Variants in WDR72 observed in about 807,000 individuals in gnomAD.
WDR72 encodes WD repeat domain 72, also known as WD repeat-containing protein 72.
In WDR72, 120 loss-of-function variants were observed where a neutral mutation model predicts 124.2. The observed-to-expected ratio is 0.97, with a 90% CI of 0.83 to 1.12. The LOEUF (loss-of-function observed/expected upper bound fraction) is 1.12, where lower values mean the gene tolerates loss of function less well. Ranked by LOEUF, WDR72 falls within the 50% of genes most tolerant of loss-of-function variation. The pLI is 0.00. For missense variants in WDR72, 1,387 were observed against 1,278.8 expected, an observed-to-expected ratio of 1.08 and a Z score of -1.29; for synonymous variants, 452 against 441.7, an observed-to-expected ratio of 1.02 and a Z score of -0.29.
intron 14 of WDR72, among the ~76,000 whole-genome samples, chr15:53,655,771 C>A (rs1361370199): frequency 6.6e-6 from 1 of 152,068 alleles, no homozygotes; most frequent in Non-Finnish European, 1.5e-5. Context: ...TGGCTCACTG[C>A]AACTTCTGCC....
In WDR72 at chr15:53,716,601, A is replaced by C; in HGVS notation, c.339+6T>G. ...GAAATGCCCTGAAGGAAGTGAGTGTACTTACACAGATTGCAGTGTGCCTGT... is the reference window on the plus strand; with the variant it reads ...GAAATGCCCTGAAGGAAGTGAGTGTCCTTACACAGATTGCAGTGTGCCTGT... On this transcript the variant is annotated splice_donor_region_variant and intron_variant, in intron 4 of 19. Coordinates refer to ENST00000360509, the MANE Select transcript of WDR72 (RefSeq NM_182758.4). The C allele has an allele frequency of 6.3e-7, 1 of 1,590,604 alleles. No homozygotes were observed. Among genetic ancestry groups the C allele is most frequent in the Non-Finnish European group, 8.6e-7 (1 of 1,158,480 alleles).
chr15:53,636,183 G>T (rs1466449334), intron 14 of WDR72, among the ~76,000 whole-genome samples: 2 of 152,094 alleles, frequency 1.3e-5, no homozygotes, highest in East Asian at 1.9e-4. Flanking sequence ...GTCAATAAAG[G>T]TAAATTTTTT....
chr15:53,600,542 AC>A (rs2012998893), intron 17 of WDR72, among the ~76,000 whole-genome samples: 2 of 152,288 alleles, frequency 1.3e-5, no homozygotes, highest in East Asian at 3.9e-4. Flanking sequence ...ATGCTTATTA[AC>A]TAAAGGTATT....
rs1378253556 is a variant in WDR72 at position 53,686,612 on chromosome 15, G to A, written c.1765+13138C>T. 8.9e-3 allele frequency among the ~76,000 whole-genome samples: 1,338 copies of A among 149,744 alleles called. 13 individuals are homozygous for A. Among genetic ancestry groups the A allele is most frequent in the East Asian group, 0.05 (250 of 4,980 alleles). On this transcript the variant is annotated intron_variant, in intron 13 of 19. Transcript: ENST00000360509. ...CTTAGACTCCCACACATTAATAATGGGAGACTTTAACACCCCACTGTCAAC... is the reference window on the plus strand; with the variant it reads ...CTTAGACTCCCACACATTAATAATGAGAGACTTTAACACCCCACTGTCAAC...
upstream of WDR72, among the ~76,000 whole-genome samples, chr15:53,761,827 A>AAAACGAAAACAATC (rs1555432474): frequency 0.35 from 5,309 of 15,250 alleles, 325 homozygotes; most frequent in African/African-American, 0.4. Context: ...GTCAAAAACA[A>AAAACGAAAACAATC]AAACAAAAAC....
rs149262497 is a variant in WDR72, at chr15:53,571,627, T to A, written c.3148+25452A>T. ...TATTTATTCATCCATTGATGGACAC[T>A]TAGGTTGATCCCATATCTTGGCAAT... On this transcript the variant is annotated intron_variant, in intron 18 of 19. Coordinates refer to ENST00000360509, the MANE Select transcript of WDR72 (RefSeq NM_182758.4). 2.4e-3 allele frequency among the ~76,000 whole-genome samples: 372 copies of A among 152,234 alleles called. 2 individuals are homozygous for A. Among genetic ancestry groups the A allele is most frequent in the Middle Eastern group, 6.8e-3 (2 of 294 alleles).
chr15:53,605,380 A>G (rs1306238062), intron 17 of WDR72, among the ~76,000 whole-genome samples: 1 of 152,228 alleles, frequency 6.6e-6, no homozygotes, highest in African/African-American at 2.4e-5. Context: ...AGGAAAAACT[A>G]CTAATGAGTA....
rs1891371233 is a variant in WDR72, at chr15:53,515,042, T to TAC, written c.*2656_*2657insGT. 7.9e-6 allele frequency: 1 copy of TAC among 126,280 alleles called. No individual in the cohort carries two copies. Among genetic ancestry groups the TAC allele is most frequent in the African/African-American group, 2.6e-5 (1 of 38,760 alleles). 7.8% of individuals were successfully genotyped at this position (126,280 alleles called of 1,614,324 possible). A position where few individuals can be genotyped will look rare whatever the true frequency, so the allele number is the denominator to read the frequency against. Reference sequence around the variant, plus strand: ...ATATATATACACACATATATATGTGTATATATATGTGTGTATATATATACA... The same window carrying TAC: ...ATATATATACACACATATATATGTGTACATATATATGTGTGTATATATATACA... On this transcript the variant is annotated 3_prime_UTR_variant, in exon 20 of 20. Transcript: ENST00000360509.
At chr15:53,525,110 T>TTTAATTTTC (rs1555403876) in intron 18 of WDR72, among the ~76,000 whole-genome samples, 1 of 151,990 alleles carries the variant, frequency 6.6e-6, no homozygotes, top group Non-Finnish European at 1.5e-5. Flanking sequence ...TGCAGCTGAG[T>TTTAATTTTC]TTAATTTTCT....
chr15:53,647,727 C>A (rs2015092195), intron 14 of WDR72, among the ~76,000 whole-genome samples: 1 of 152,036 alleles, frequency 6.6e-6, no homozygotes, highest in Non-Finnish European at 1.5e-5. Flanking sequence ...AAATAATAAA[C>A]TTGAGTTGTT....
In WDR72 at chr15:53,615,737, C is replaced by T. The variant is rs760835428; in HGVS notation, c.2469G>A (p.Lys823=). The T allele has an allele frequency of 4.1e-5, 66 of 1,613,250 alleles. No individual in the cohort carries two copies. The Admixed American group carries it at 8.0e-4, about 20-fold the overall frequency. The change falls in exon 15 of 20, where the codon AAG becomes AAA. Residue 823 remains lysine, a synonymous_variant. Transcript: ENST00000360509. ...YLCIKHLNIL[K]LQGPISLGIS... ...TTCCCAAAGAAATAGGACCCTGAAG[C>T]TTTAAAATATTGAGGTGCTTAATGC...
chr15:53,625,298 T>G (rs2014159512), intron 14 of WDR72, among the ~76,000 whole-genome samples: 1 of 152,194 alleles, frequency 6.6e-6, no homozygotes, highest in Admixed American at 6.5e-5. Context: ...CACTATCTGA[T>G]TGCCTGACAG....
chr15:53,613,703 A>C lies in WDR72; in HGVS notation c.2835T>G (p.Ile945Met). The C allele has an allele frequency of 6.2e-7, 1 of 1,611,290 alleles. No individual in the cohort carries two copies. The highest frequency in any genetic ancestry group is 8.5e-7 in the Non-Finnish European group (1 of 1,178,404). ...HNKMRGAGND[I>M]LNMSSFYSCL... is the part of the protein sequence containing the mutation. ...AACTGTAGAAGCTTGACATATTTAA[A>C]ATGTCATTCCCAGCACCTCTCATCT... The change falls in exon 16 of 20, where the codon ATT (isoleucine) becomes ATG (methionine). Residue 945 changes from isoleucine (I) to methionine (M), a missense_variant. Physicochemically the swap from Ile to Met is conservative, Grantham distance 10. Coordinates refer to ENST00000360509, the MANE Select transcript of WDR72 (RefSeq NM_182758.4).
intron 18 of WDR72, among the ~76,000 whole-genome samples, chr15:53,564,491 C>A (rs11070991): frequency 0.77 from 116,854 of 151,652 alleles, 45,232 homozygotes; most frequent in Middle Eastern, 0.88. Flanking sequence ...CCTAAGATTA[C>A]AATAACTTGA....
At chr15:53,575,030 CA>C (rs1894699522) in intron 18 of WDR72, among the ~76,000 whole-genome samples, 3 of 151,734 alleles carry the variant, frequency 2.0e-5, no homozygotes, top group African/African-American at 2.4e-5. Flanking sequence ...CACACACACA[CA>C]CACACACACA....
intron 14 of WDR72, among the ~76,000 whole-genome samples, chr15:53,661,453 T>C (rs867673005): frequency 1.7e-4 from 26 of 152,264 alleles, no homozygotes; most frequent in Admixed American, 1.0e-3. Flanking sequence ...CTCCCATCCT[T>C]ACATTAATCT....
rs188359320 is a variant in WDR72 at position 53,754,910 on chromosome 15, A to T, written c.-13+4723T>A. On this transcript the variant is annotated intron_variant, in intron 1 of 19. Transcript: ENST00000360509. ...TTTCATTTTAAGAATGATTTTCTTC[A>T]TCCACAATCAATAAAGATATGTTTT... Among the ~76,000 whole-genome samples, 217 of 152,318 alleles carry T rather than the reference A, an allele frequency of 1.4e-3. 10 individuals carry two copies. Among genetic ancestry groups the T allele is most frequent in the Admixed American group, 0.012 (178 of 15,302 alleles).
chr15:53,701,284 G>A (rs1025329523), intron 12 of WDR72, among the ~76,000 whole-genome samples: 8 of 152,308 alleles, frequency 5.3e-5, no homozygotes, highest in South Asian at 2.1e-4. Flanking sequence ...GCTGATGCCT[G>A]TAATCCCAGC....
At chr15:53,623,301 T>C (rs544757900) in intron 14 of WDR72, among the ~76,000 whole-genome samples, 11 of 152,170 alleles carry the variant, frequency 7.2e-5, no homozygotes, top group East Asian at 1.9e-4. Context: ...CCAGTGGCTA[T>C]TGTTGTCATC....
Sources: allele counts gnomAD v4.1 joint callset (sites outside exome capture counted in the v4.1 genomes callset), GRCh38; gene constraint gnomAD v4.1.1; transcripts MANE v1.5; gene names NCBI Gene and HGNC (gene_info 2026-07-23, HGNC 2026-07-21).